Variants in CCDC102B observed in about 807,000 individuals in gnomAD.
CCDC102B encodes the protein coiled-coil domain containing 102B.
CCDC102B carries 75 observed loss-of-function variants against 57.4 expected under a neutral mutation model. The ratio of observed to expected loss-of-function variants is 1.31; its 90% confidence interval spans 1.08 to 1.58. The LOEUF (loss-of-function observed/expected upper bound fraction) is 1.58. Among genes scored for constraint, CCDC102B ranks in the 40% most tolerant of loss-of-function variants. The probability of loss-of-function intolerance (pLI) is 0.00; values close to 1 mark genes in which losing one functional copy is unlikely to be tolerated. For missense variants in CCDC102B, 636 were observed against 582.6 expected, an observed-to-expected ratio of 1.09 and a Z score of -0.94; for synonymous variants, 206 against 201.9, an observed-to-expected ratio of 1.02 and a Z score of -0.17.
intron 6 of CCDC102B, chr18:68,993,472 A>G (rs2050931509): frequency 6.6e-6 from 1 of 152,210 alleles, no homozygotes; most frequent in Non-Finnish European, 1.5e-5. Context: ...TTTTCCTGTA[A>G]TAAAGATACA....
At chr18:68,877,536 A>G (rs978598507) in intron 5 of CCDC102B, among the ~76,000 whole-genome samples, 4 of 152,230 alleles carry the variant, frequency 2.6e-5, no homozygotes, top group African/African-American at 9.6e-5. Context: ...AGTCTACACT[A>G]ACATGCTAAT....
intron 1 of CCDC102B, among the ~76,000 whole-genome samples, chr18:68,812,814 G>T (rs572067849): frequency 2.0e-5 from 3 of 152,292 alleles, no homozygotes; most frequent in African/African-American, 7.2e-5. Flanking sequence ...CAGGAATTGA[G>T]TACTGACATC....
chr18:68,858,849 A>G (rs1038095500), intron 4 of CCDC102B: 1 of 152,204 alleles, frequency 6.6e-6, no homozygotes, highest in Non-Finnish European at 1.5e-5. Context: ...AAAACTGTCA[A>G]GAAGATGGGA....
At chr18:68,912,890 G>C (rs915472500) in intron 6 of CCDC102B, among the ~76,000 whole-genome samples, 1 of 152,136 alleles carries the variant, frequency 6.6e-6, no homozygotes, top group African/African-American at 2.4e-5. Flanking sequence ...TTTAGCTATG[G>C]AGTTTAAATA....
chr18:68,999,921 A>G (rs2051155133), intron 6 of CCDC102B, among the ~76,000 whole-genome samples: 4 of 152,218 alleles, frequency 2.6e-5, no homozygotes, highest in Admixed American at 2.6e-4. Flanking sequence ...GAATGACTAT[A>G]GCAGGTAGAC....
At chr18:68,965,747 G>A (rs184555391) in intron 6 of CCDC102B, among the ~76,000 whole-genome samples, 2 of 151,820 alleles carry the variant, frequency 1.3e-5, no homozygotes, top group African/African-American at 4.8e-5. Flanking sequence ...AAATTTTCTG[G>A]GTTCTTGGTG....
intron 7 of CCDC102B, among the ~76,000 whole-genome samples, chr18:69,014,679 G>A (rs17080075): frequency 0.041 from 6,247 of 151,848 alleles, 247 homozygotes; most frequent in East Asian, 0.21. Context: ...ACTGAGATTC[G>A]TTGTGGAGAT....
intron 5 of CCDC102B, among the ~76,000 whole-genome samples, chr18:68,880,032 G>A (rs1052078471): frequency 1.3e-5 from 2 of 152,218 alleles, no homozygotes; most frequent in Non-Finnish European, 2.9e-5. Context: ...GGGATTGGGC[G>A]CTGTGGAGCA....
chr18:68,981,510 G>A lies in CCDC102B; in HGVS notation c.1264-29424G>A, dbSNP rs964800905. 4.6e-5 allele frequency among the ~76,000 whole-genome samples: 7 copies of A among 151,916 alleles called. No individual in the cohort carries two copies. The East Asian group carries it at 5.8e-4, about 13-fold the overall frequency. The stretch of plus-strand genomic sequence containing the variant: ...ATTGATCAGAGATATTTGGAATTAC[G>A]ATTTGTCCTAAGCCATTGACTCCTT... On this transcript the variant is annotated intron_variant, in intron 6 of 7. Transcript: ENST00000360242.
chr18:68,859,123 A>T (rs1247158336), intron 4 of CCDC102B: 1 of 150,346 alleles, frequency 6.7e-6, no homozygotes, highest in Non-Finnish European at 1.5e-5. Context: ...ATGGAACAGA[A>T]CAGAGCCCTC....
chr18:68,761,556 A>C (rs567483809), intron 2 of CCDC102B, among the ~76,000 whole-genome samples: 1 of 151,496 alleles, frequency 6.6e-6, no homozygotes, highest in African/African-American at 2.4e-5. Context: ...TTCTCTCTAC[A>C]CTTTTAGAAA....
intron 6 of CCDC102B, among the ~76,000 whole-genome samples, chr18:68,898,135 A>G (rs1222241351): frequency 6.6e-6 from 1 of 152,034 alleles, no homozygotes; most frequent in African/African-American, 2.4e-5. Flanking sequence ...GTTCGTGTCA[A>G]TGTGCTGTAA....
At chr18:69,026,478 C>G (rs948685299) in intron 7 of CCDC102B, among the ~76,000 whole-genome samples, 1 of 142,874 alleles carries the variant, frequency 7.0e-6, no homozygotes, top group Admixed American at 6.8e-5. Flanking sequence ...AAAAAAAAAC[C>G]CCAGAGAAAT....
At chr18:68,807,612 G>A (rs773170680) in intron 1 of CCDC102B, among the ~76,000 whole-genome samples, 3 of 151,962 alleles carry the variant, frequency 2.0e-5, no homozygotes, top group Non-Finnish European at 4.4e-5. Context: ...TCTGTTTTAG[G>A]GACTGGAAAG....
chr18:68,886,087 G>A (rs559916892), intron 5 of CCDC102B, among the ~76,000 whole-genome samples: 22 of 151,808 alleles, frequency 1.4e-4, no homozygotes, highest in African/African-American at 4.8e-4. Flanking sequence ...GATGGAACAC[G>A]TGGCCGGGGG....
At chr18:68,857,680 G>A (rs1295993695) in intron 4 of CCDC102B, among the ~76,000 whole-genome samples, 5 of 151,586 alleles carry the variant, frequency 3.3e-5, no homozygotes, top group Non-Finnish European at 5.9e-5. Flanking sequence ...ATAGTGTTTT[G>A]TAATTTTCAT....
intron 5 of CCDC102B, among the ~76,000 whole-genome samples, chr18:68,878,522 G>A (rs1173608756): frequency 6.6e-6 from 1 of 152,124 alleles, no homozygotes; most frequent in Non-Finnish European, 1.5e-5. Context: ...TCCTTTAGGA[G>A]TTGATTAAGT....
rs2038031570 is a variant in CCDC102B, at chr18:68,849,594, A to G, written c.936+3173A>G. Among the ~76,000 whole-genome samples the G allele has an allele frequency of 3.3e-5, 5 of 152,206 alleles. No homozygotes were observed. In the South Asian group the frequency reaches 1.0e-3, roughly 32 times the overall value. On this transcript the variant is annotated intron_variant, in intron 4 of 7. Transcript: ENST00000360242. ...AGCAGCATGATATTTCTAAGACATT[A>G]CATCGGATCGTATTAGCCCATTGTT...
At chr18:69,057,339 C>T (rs917520241), downstream of CCDC102B, among the ~76,000 whole-genome samples, 9 of 152,026 alleles carry the variant, frequency 5.9e-5, no homozygotes, top group Non-Finnish European at 1.3e-4. Flanking sequence ...CTAGGTAGTG[C>T]TTCCACTCAA....
Sources: allele counts gnomAD v4.1 joint callset (sites outside exome capture counted in the v4.1 genomes callset), GRCh38; gene constraint gnomAD v4.1.1; transcripts MANE v1.5; gene names NCBI Gene and HGNC (gene_info 2026-07-23, HGNC 2026-07-21).